GAS7: variants seen among roughly 807,000 people sequenced by gnomAD.
GAS7 encodes the protein growth arrest specific 7, also known as growth arrest-specific protein 7.
In GAS7, 28 loss-of-function variants were observed where a neutral mutation model predicts 71.1. The ratio of observed to expected loss-of-function variants is 0.39; its 90% CI spans 0.29 to 0.54. The LOEUF (loss-of-function observed/expected upper bound fraction) is 0.54. Among genes scored for constraint, GAS7 ranks in the 20% least tolerant of loss-of-function variants. The pLI is 0.62. For missense variants in GAS7, 436 were observed against 627.8 expected (o/e 0.69, Z 3.27); for synonymous variants, 258 against 245.8 (o/e 1.05, Z -0.46).
intron 4 of GAS7, among the ~76,000 whole-genome samples, chr17:9,962,799 G>A (rs191692032): frequency 2.0e-5 from 3 of 152,308 alleles, no homozygotes; most frequent in African/African-American, 7.2e-5. Context: ...CCCCTGCAAA[G>A]GAGAAATCTG....
At chr17:10,179,880 T>A (rs1313045864) in intron 1 of GAS7, among the ~76,000 whole-genome samples, 1 of 152,054 alleles carries the variant, frequency 6.6e-6, no homozygotes, top group African/African-American at 2.4e-5. Flanking sequence ...CAAATAGTAA[T>A]GACCAGCATT....
At chr17:10,159,298 C>T (rs932580483) in intron 1 of GAS7, among the ~76,000 whole-genome samples, 3 of 151,554 alleles carry the variant, frequency 2.0e-5, no homozygotes, top group African/African-American at 4.9e-5. Flanking sequence ...CCTAGCAATC[C>T]TACCCCTAGG....
At chr17:10,182,536 A>G (rs1338911503) in intron 1 of GAS7, among the ~76,000 whole-genome samples, 1 of 152,194 alleles carries the variant, frequency 6.6e-6, no homozygotes, top group Non-Finnish European at 1.5e-5. Flanking sequence ...TGAAGCCAAG[A>G]ACCCATGTGG....
chr17:10,065,354 C>T (rs2073271019), intron 1 of GAS7, among the ~76,000 whole-genome samples: 1 of 152,226 alleles, frequency 6.6e-6, no homozygotes. Flanking sequence ...AATGTATTCT[C>T]TCACAGTTCT....
intron 4 of GAS7, among the ~76,000 whole-genome samples, chr17:9,962,357 G>C (rs1387925510): frequency 6.6e-6 from 1 of 152,168 alleles, no homozygotes; most frequent in Middle Eastern, 3.4e-3. Flanking sequence ...GCTAGAAATT[G>C]GTTTCCAAAT....
chr17:10,135,338 T>A (rs958648753), intron 1 of GAS7, among the ~76,000 whole-genome samples: 12 of 152,150 alleles, frequency 7.9e-5, no homozygotes, highest in African/African-American at 2.9e-4. Flanking sequence ...TTTTAGCTAG[T>A]CTTCAATTTG....
intron 1 of GAS7, 152 bp downstream of exon 1, chr17:10,198,056 G>T: frequency 1.5e-6 from 1 of 673,574 alleles, no homozygotes; most frequent in Admixed American, 2.7e-5. Flanking sequence ...TGCCCCCCAG[G>T]AGCGTGGAGC....
At chr17:10,099,357 C>T (rs975651035) in intron 1 of GAS7, among the ~76,000 whole-genome samples, 15 of 152,142 alleles carry the variant, frequency 9.9e-5, no homozygotes, top group South Asian at 2.1e-4. Flanking sequence ...CCGAAAGAGG[C>T]AGATCTGCCT....
intron 1 of GAS7, among the ~76,000 whole-genome samples, chr17:10,156,367 C>A (rs886278360): frequency 5.3e-5 from 8 of 152,298 alleles, no homozygotes; most frequent in African/African-American, 1.9e-4. Flanking sequence ...GATCCCCCAC[C>A]CCATATGTCT....
intron 2 of GAS7, among the ~76,000 whole-genome samples, chr17:9,985,025 G>C (rs754763982): frequency 6.6e-6 from 1 of 152,034 alleles, no homozygotes; most frequent in Non-Finnish European, 1.5e-5. Context: ...GAGTCTCCTG[G>C]GTTCCCTGGC....
At chr17:10,138,104 A>G (rs1013513225) in intron 1 of GAS7, among the ~76,000 whole-genome samples, 1 of 151,866 alleles carries the variant, frequency 6.6e-6, no homozygotes, top group Non-Finnish European at 1.5e-5. Context: ...CTGGGACTAC[A>G]GGCGCCCACC....
At chr17:10,063,048 C>T (rs1285489101) in intron 1 of GAS7, among the ~76,000 whole-genome samples, 2 of 152,250 alleles carry the variant, frequency 1.3e-5, no homozygotes, top group Admixed American at 1.3e-4. Flanking sequence ...GCAACCCTTG[C>T]CTCGCTCTGT....
chr17:9,992,069 C>T (rs978887054), intron 2 of GAS7, among the ~76,000 whole-genome samples: 12 of 152,144 alleles, frequency 7.9e-5, no homozygotes, highest in Non-Finnish European at 1.8e-4. Context: ...CTCAACTCAT[C>T]ATTTTTATCA....
At chr17:9,996,288 G>A (rs948527750) in intron 2 of GAS7, among the ~76,000 whole-genome samples, 2 of 151,968 alleles carry the variant, frequency 1.3e-5, no homozygotes, top group African/African-American at 4.8e-5. Context: ...GGATGAAGCT[G>A]GAAACCATCA....
At chr17:10,003,767 C>A (rs747586695) in intron 2 of GAS7, among the ~76,000 whole-genome samples, 1 of 152,206 alleles carries the variant, frequency 6.6e-6, no homozygotes, top group African/African-American at 2.4e-5. Context: ...CCCTTCTGCT[C>A]CCCTTCTGCG....
chr17:10,141,999 T>C (rs1014311788), intron 1 of GAS7, among the ~76,000 whole-genome samples: 33 of 151,344 alleles, frequency 2.2e-4, no homozygotes, highest in Middle Eastern at 3.4e-3. Flanking sequence ...GGGGCCGAGG[T>C]GGGCGGATCA....
chr17:9,964,317 C>T (rs375522851), intron 4 of GAS7, among the ~76,000 whole-genome samples: 12 of 152,264 alleles, frequency 7.9e-5, no homozygotes, highest in Admixed American at 5.9e-4. Flanking sequence ...TTCCTCCCCC[C>T]CTGCAAATAA....
At chr17:10,093,330 C>A (rs1385856432) in intron 1 of GAS7, among the ~76,000 whole-genome samples, 1 of 151,736 alleles carries the variant, frequency 6.6e-6, no homozygotes, top group African/African-American at 2.4e-5. Context: ...GTAATCCCAG[C>A]ACTTTGGGAG....
intron 1 of GAS7, among the ~76,000 whole-genome samples, chr17:10,174,824 G>GATGCAGCTCTGCCCTC (rs1188215767): frequency 2.0e-5 from 3 of 152,142 alleles, no homozygotes; most frequent in Non-Finnish European, 4.4e-5. Context: ...GCTTTGACCT[G>GATGCAGCTCTGCCCTC]ATGCAGCTCT....
Sources: gnomAD v4.1 joint callset for allele counts (sites outside exome capture counted in the v4.1 genomes callset) on GRCh38, gnomAD v4.1.1 for gene constraint, MANE v1.5 for transcripts, NCBI Gene and HGNC (gene_info 2026-07-23, HGNC 2026-07-21) for gene names.